BNIP3: variants seen among roughly 807,000 people sequenced by gnomAD.
The protein encoded by BNIP3 is BCL2/adenovirus E1B 19 kDa protein-interacting protein 3.
A neutral mutation model predicts 23.9 loss-of-function variants in BNIP3; 16 were observed. The ratio of observed to expected loss-of-function variants is 0.67; its 90% CI spans 0.45 to 1.01. The LOEUF (loss-of-function observed/expected upper bound fraction) is 1.01, where lower values mean the gene tolerates loss of function less well. Ranked by LOEUF, BNIP3 falls within the 50% of genes least tolerant of loss-of-function variation. BNIP3 has a pLI of 0.00. For missense variants in BNIP3, 198 were observed against 248.7 expected (o/e 0.80, Z 1.37); for synonymous variants, 81 against 89.3 (o/e 0.91, Z 0.53).
chr10:131,970,234 T>G lies in BNIP3; in HGVS notation c.539+404A>C. 1 of 203,200 alleles carries G rather than the reference T, an allele frequency of 4.9e-6. No individual in the cohort carries two copies. Among genetic ancestry groups the G allele is most frequent in the South Asian group, 1.0e-4 (1 of 9,738 alleles). 12.6% of individuals were successfully genotyped at this position (203,200 alleles called of 1,614,324 possible). A position where few individuals can be genotyped will look rare whatever the true frequency, so the allele number is the denominator to read the frequency against. On this transcript the variant is annotated intron_variant, in intron 5 of 5. Coordinates refer to ENST00000368636, the MANE Select transcript of BNIP3 (RefSeq NM_004052.4). The surrounding 1 kb of genome is among the most constrained non-coding windows in gnomAD (Gnocchi z 4.1). ...TTGCTGAGAGTTACTAGAACAACAGTCCTGTCTGGAGGAAGTACAGCAGGT... is the reference window on the plus strand; with the variant it reads ...TTGCTGAGAGTTACTAGAACAACAGGCCTGTCTGGAGGAAGTACAGCAGGT...
At chr10:131,974,821 G>T (rs1383838026) in intron 1 of BNIP3, among the ~76,000 whole-genome samples, 1 of 152,072 alleles carries the variant, frequency 6.6e-6, no homozygotes, top group South Asian at 2.1e-4. Flanking sequence ...TCTATTATCT[G>T]TCTTTCTCTT....
intron 1 of BNIP3, among the ~76,000 whole-genome samples, chr10:131,978,562 G>A (rs1016168224): frequency 1.3e-5 from 2 of 152,124 alleles, no homozygotes; most frequent in Non-Finnish European, 2.9e-5. Flanking sequence ...GCCCCACGTG[G>A]AGTAAACACA....
At chr10:131,979,352 G>C (rs1268404326) in intron 1 of BNIP3, among the ~76,000 whole-genome samples, 2 of 152,196 alleles carry the variant, frequency 1.3e-5, no homozygotes, top group Non-Finnish European at 2.9e-5. Context: ...CCCATGGTGA[G>C]TTGCCTCTGA....
chr10:131,979,940 C>A (rs987693746), intron 1 of BNIP3, among the ~76,000 whole-genome samples: 2 of 152,236 alleles, frequency 1.3e-5, no homozygotes, highest in African/African-American at 4.8e-5. Flanking sequence ...TGAGCCACCG[C>A]TCCGTCCCGG....
intron 1 of BNIP3, among the ~76,000 whole-genome samples, chr10:131,975,445 C>T (rs764374605): frequency 5.9e-5 from 9 of 152,184 alleles, no homozygotes; most frequent in Non-Finnish European, 1.2e-4. Flanking sequence ...ATGGAATTAT[C>T]TCATTTTTGC....
rs1206393007 is a variant in BNIP3 at position 131,970,939 on chromosome 10, TCTTTC to T, written c.309_313del (p.Lys104SerfsTer2). 2.5e-6 allele frequency: 4 copies of T among 1,614,118 alleles called. No individual in the cohort carries two copies. Among genetic ancestry groups the T allele is most frequent in the Non-Finnish European group, 3.4e-6 (4 of 1,180,050 alleles). ...GTTTTTCTTCAAGATGCTTTCAACTTCTTTCCTTCTTTCAATATCATCTTCCTCAG... is the reference window on the plus strand; with the variant it reads ...GTTTTTCTTCAAGATGCTTTCAACTTCTTCTTTCAATATCATCTTCCTCAG... On this transcript the variant is annotated frameshift_variant, in exon 4 of 6. Transcript: ENST00000368636. LOFTEE classifies it high-confidence loss of function. The surrounding 1 kb of genome is among the most constrained non-coding windows in gnomAD (Gnocchi z 4.1).
rs1238921265 is a variant in BNIP3 at position 131,970,225 on chromosome 10, GAAC to G, written c.539+410_539+412del. The stretch of plus-strand genomic sequence containing the variant: ...GTTCCTTCATTGCTGAGAGTTACTA[GAAC>G]AACAGTCCTGTCTGGAGGAAGTACA... On this transcript the variant is annotated intron_variant, in intron 5 of 5. Coordinates refer to ENST00000368636, the MANE Select transcript of BNIP3 (RefSeq NM_004052.4). The surrounding 1 kb of genome is among the most constrained non-coding windows in gnomAD (Gnocchi z 4.1). 2.1e-5 allele frequency: 4 copies of G among 188,274 alleles called. No individual in the cohort carries two copies. The highest frequency in any genetic ancestry group is 1.3e-4 in the South Asian group (1 of 7,964). 11.7% of individuals were successfully genotyped at this position (188,274 alleles called of 1,614,324 possible). A position where few individuals can be genotyped will look rare whatever the true frequency, so the allele number is the denominator to read the frequency against.
rs2037076304 is a variant in BNIP3 at position 131,976,098 on chromosome 10, T to C, written c.47-2155A>G. 6.6e-6 allele frequency among the ~76,000 whole-genome samples: 1 copy of C among 152,222 alleles called. No individual in the cohort carries two copies. Among genetic ancestry groups the C allele is most frequent in the Admixed American group, 6.5e-5 (1 of 15,276 alleles). On this transcript the variant is annotated intron_variant, in intron 1 of 5. Transcript: ENST00000368636. The surrounding 1 kb of genome is among the most constrained non-coding windows in gnomAD (Gnocchi z 4.3). ...AAGATGCCATGCGGCCGGCTAGCCA[T>C]GGCCTGCCCCTGAGAGAACGGCACC...
intron 1 of BNIP3, among the ~76,000 whole-genome samples, chr10:131,981,500 C>T (rs1274699603): frequency 2.0e-5 from 3 of 152,228 alleles, no homozygotes; most frequent in Non-Finnish European, 4.4e-5. Context: ...TCGGGGCTTT[C>T]CCGTGCGGTC....
chr10:131,973,086 T>G lies in BNIP3; in HGVS notation c.230A>C (p.Asn77Thr). ...PPRSQTPQDT[N>T]RASETDTHSI... ...ATGGGTATCTGTTTCAGAAGCTCTGTTGGTATCTTGTGGTGTCTGCGAGCG... is the reference window on the plus strand; with the variant it reads ...ATGGGTATCTGTTTCAGAAGCTCTGGTGGTATCTTGTGGTGTCTGCGAGCG... Residue 77 changes from asparagine (N) to threonine (T), a missense_variant, in exon 3 of 6, where the codon AAC becomes ACC. Transcript: ENST00000368636. 6.2e-7 allele frequency: 1 copy of G among 1,613,826 alleles called. No homozygotes were observed. Among genetic ancestry groups the G allele is most frequent in the Non-Finnish European group, 8.5e-7 (1 of 1,179,712 alleles).
chr10:131,973,536 AGT>A, intron 2 of BNIP3: 2 of 540,086 alleles, frequency 3.7e-6, no homozygotes, highest in East Asian at 3.1e-5. Context: ...CGTTTCTCAG[AGT>A]GGGGTTTGTG....
intron 2 of BNIP3, chr10:131,973,360 G>GCCC: frequency 1.9e-6 from 1 of 519,030 alleles, no homozygotes; most frequent in African/African-American, 1.9e-5. Flanking sequence ...CTGGCAAGCA[G>GCCC]CTGGCTTTGT....
At chr10:131,972,753 T>C (rs2037045943) in intron 3 of BNIP3, among the ~76,000 whole-genome samples, 1 of 152,194 alleles carries the variant, frequency 6.6e-6, no homozygotes, top group African/African-American at 2.4e-5. Flanking sequence ...CCTTCCTCCT[T>C]TCCGGTGTAT....
rs1236721161 is a variant in BNIP3, at chr10:131,970,506, G to T, written c.539+132C>A. The T allele has an allele frequency of 5.4e-6, 7 of 1,290,796 alleles. No homozygotes were observed. In the African/African-American group the frequency reaches 1.0e-4, roughly 19 times the overall value. 80.0% of individuals were successfully genotyped at this position (1,290,796 alleles called of 1,614,324 possible). On this transcript the variant is annotated intron_variant, in intron 5 of 5. Transcript: ENST00000368636. The surrounding 1 kb of genome is among the most constrained non-coding windows in gnomAD (Gnocchi z 4.1). ...TTCTGGACCTGAACAGTGACTACGT[G>T]GGTGTTTGTGAAAATGCACCAAGCT...
At position 131,970,958 on chromosome 10, in the gene BNIP3, C is replaced by CA; in HGVS notation, c.294dup (p.Asp99Ter). The CA allele has an allele frequency of 6.2e-7, 1 of 1,613,880 alleles. No homozygotes were observed. Among genetic ancestry groups the CA allele is most frequent in the Non-Finnish European group, 8.5e-7 (1 of 1,179,950 alleles). On this transcript the variant is annotated frameshift_variant, in exon 4 of 6. Transcript: ENST00000368636. LOFTEE classifies it high-confidence loss of function. This position sits in a 1 kb window ranked among gnomAD's most constrained non-coding sequence, Gnocchi z 4.1. ...TCAACTTCTTTCCTTCTTTCAATAT[C>CA]ATCTTCCTCAGACTAAGATAAAGTC...
chr10:131,981,632 T>C, intron 1 of BNIP3, 129 bp downstream of exon 1: 1 of 1,165,038 alleles, frequency 8.6e-7, no homozygotes, highest in Non-Finnish European at 1.1e-6. Flanking sequence ...AAGGGGAGGA[T>C]GGCGCAGCCT....
chr10:131,981,615 G>T, intron 1 of BNIP3, 146 bp downstream of exon 1: 4 of 1,029,236 alleles, frequency 3.9e-6, no homozygotes, highest in Non-Finnish European at 3.9e-6. Flanking sequence ...AGGAGGGGTG[G>T]GTACGGAAGG....
chr10:131,971,357 A>G (rs753004442), intron 3 of BNIP3: 2 of 249,366 alleles, frequency 8.0e-6, no homozygotes, highest in Non-Finnish European at 1.6e-5. Context: ...AAACAGCCGA[A>G]AACGGCTCAA....
chr10:131,981,612 G>A (rs1170430462), intron 1 of BNIP3, 149 bp downstream of exon 1: 36 of 1,017,058 alleles, frequency 3.5e-5, no homozygotes, highest in Non-Finnish European at 4.7e-5. Context: ...CGCAGGAGGG[G>A]TGGGTACGGA....
Sources: gnomAD v4.1 joint callset for allele counts (sites outside exome capture counted in the v4.1 genomes callset) on GRCh38, gnomAD v4.1.1 for gene constraint, Gnocchi (gnomAD v3.1) non-coding constraint, MANE v1.5 for transcripts, NCBI Gene and HGNC (gene_info 2026-07-23, HGNC 2026-07-21) for gene names.